CADM2: variants seen among roughly 807,000 people sequenced by gnomAD.
The protein encoded by CADM2 is immunoglobulin superfamily member 4D.
In CADM2, 12 loss-of-function variants were observed where a neutral mutation model predicts 49.8. The ratio of observed to expected loss-of-function variants is 0.24; its 90% CI spans 0.15 to 0.39. The LOEUF (loss-of-function observed/expected upper bound fraction) is 0.39. Among genes scored for constraint, CADM2 ranks in the 10% least tolerant of loss-of-function variants. The pLI is 1.00. For missense variants in CADM2, 378 were observed against 492.3 expected, an observed-to-expected ratio of 0.77 and a Z score of 2.20; for synonymous variants, 214 against 175.4, an observed-to-expected ratio of 1.22 and a Z score of -1.74.
chr3:85,878,392 T>C (rs942440641), intron 3 of CADM2, among the ~76,000 whole-genome samples: 1 of 152,114 alleles, frequency 6.6e-6, no homozygotes, highest in Non-Finnish European at 1.5e-5. Flanking sequence ...TTTCAGAGCC[T>C]AGTTTTTAAT....
chr3:84,983,714 T>C (rs1170110515), intron 1 of CADM2, among the ~76,000 whole-genome samples: 1 of 152,162 alleles, frequency 6.6e-6, no homozygotes, highest in East Asian at 1.9e-4. Context: ...TTAATCCATA[T>C]TATTTTCCCT....
chr3:85,752,072 G>C (rs900459504), intron 2 of CADM2, among the ~76,000 whole-genome samples: 13 of 142,992 alleles, frequency 9.1e-5, no homozygotes, highest in Admixed American at 6.2e-4. Context: ...TAGTGTATAG[G>C]AAAAGAAACA....
At chr3:85,129,652 G>C (rs1464758488) in intron 1 of CADM2, among the ~76,000 whole-genome samples, 1 of 152,116 alleles carries the variant, frequency 6.6e-6, no homozygotes, top group Non-Finnish European at 1.5e-5. Flanking sequence ...AAAAATGAAT[G>C]CTGGTGCTAG....
At chr3:85,216,741 G>A (rs953603725) in intron 1 of CADM2, among the ~76,000 whole-genome samples, 10 of 151,932 alleles carry the variant, frequency 6.6e-5, no homozygotes, top group African/African-American at 2.2e-4. Flanking sequence ...TTGCTATAAA[G>A]GTCATATTTA....
intron 1 of CADM2, among the ~76,000 whole-genome samples, chr3:85,133,925 G>T (rs1409979149): frequency 6.6e-6 from 1 of 152,206 alleles, no homozygotes; most frequent in Non-Finnish European, 1.5e-5. Flanking sequence ...GCGCTCGTCG[G>T]GGAGGCTCAG....
chr3:85,300,040 A>T (rs922997620), intron 1 of CADM2, among the ~76,000 whole-genome samples: 1 of 152,118 alleles, frequency 6.6e-6, no homozygotes, highest in Non-Finnish European at 1.5e-5. Context: ...ACTATCTTTT[A>T]CATGTTTTTC....
intron 1 of CADM2, among the ~76,000 whole-genome samples, chr3:85,300,837 G>A (rs576799011): frequency 1.3e-5 from 2 of 152,094 alleles, no homozygotes; most frequent in South Asian, 4.1e-4. Flanking sequence ...CGTGCTTCTT[G>A]CTTTTTTTCA....
chr3:85,606,030 G>T (rs1255624522), intron 1 of CADM2, among the ~76,000 whole-genome samples: 1 of 152,046 alleles, frequency 6.6e-6, no homozygotes, highest in African/African-American at 2.4e-5. Flanking sequence ...GGCACAATTG[G>T]ATATTTGACT....
chr3:85,601,130 G>GTGTGTATATA (rs1328015269), intron 1 of CADM2, among the ~76,000 whole-genome samples: 5 of 109,630 alleles, frequency 4.6e-5, no homozygotes, highest in African/African-American at 2.0e-4. Context: ...ATATATGTGT[G>GTGTGTATATA]TATATATATA....
intron 5 of CADM2, among the ~76,000 whole-genome samples, chr3:85,910,938 T>C (rs929586272): frequency 6.6e-6 from 1 of 152,096 alleles, no homozygotes; most frequent in African/African-American, 2.4e-5. Context: ...TAATCAAATG[T>C]TACATCAAAT....
At chr3:85,238,742 A>G (rs980669290) in intron 1 of CADM2, among the ~76,000 whole-genome samples, 1 of 151,928 alleles carries the variant, frequency 6.6e-6, no homozygotes, top group Non-Finnish European at 1.5e-5. Context: ...ATAGGAAATA[A>G]TGACCTTCCT....
intron 1 of CADM2, among the ~76,000 whole-genome samples, chr3:85,677,863 G>C (rs758928401): frequency 1.1e-4 from 17 of 152,126 alleles, no homozygotes; most frequent in Non-Finnish European, 2.5e-4. Context: ...TGATTATTAT[G>C]ATGGGGATAC....
At chr3:85,692,227 T>C (rs528575758) in intron 1 of CADM2, among the ~76,000 whole-genome samples, 4 of 152,322 alleles carry the variant, frequency 2.6e-5, no homozygotes, top group Admixed American at 2.6e-4. Flanking sequence ...GCTTTGGGAA[T>C]AGAAAAGTTG....
At chr3:85,112,784 G>A (rs945286839) in intron 1 of CADM2, among the ~76,000 whole-genome samples, 1 of 151,592 alleles carries the variant, frequency 6.6e-6, no homozygotes, top group Non-Finnish European at 1.5e-5. Flanking sequence ...CTTTCATAAA[G>A]ACATATGTCC....
At chr3:85,280,492 A>G (rs1329381725) in intron 1 of CADM2, among the ~76,000 whole-genome samples, 7 of 151,644 alleles carry the variant, frequency 4.6e-5, no homozygotes, top group Non-Finnish European at 1.0e-4. Context: ...CTTTATCTAA[A>G]TTTTGACAAT....
chr3:85,989,462 C>A lies in CADM2; in HGVS notation c.970+27815C>A, dbSNP rs149187588. Among the ~76,000 whole-genome samples, 6 of 152,218 alleles carry A rather than the reference C, an allele frequency of 3.9e-5. No homozygotes were observed. The East Asian group carries it at 7.7e-4, about 20-fold the overall frequency. ...GGACCAAAATTCAGACCACTTTTTT[C>A]TCTTGCCTTTCAATAGGATATTCTG... On this transcript the variant is annotated intron_variant, in intron 8 of 9. Transcript: ENST00000383699.
intron 2 of CADM2, among the ~76,000 whole-genome samples, chr3:85,793,229 G>T (rs1316491506): frequency 1.3e-5 from 2 of 152,144 alleles, no homozygotes; most frequent in African/African-American, 2.4e-5. Context: ...TCATTAAAAT[G>T]TATTTCATGG....
At chr3:85,243,304 A>C (rs1335683561) in intron 1 of CADM2, among the ~76,000 whole-genome samples, 1 of 151,912 alleles carries the variant, frequency 6.6e-6, no homozygotes, top group Non-Finnish European at 1.5e-5. Flanking sequence ...TTCAATGAAA[A>C]ACAGTAGGTA....
intron 7 of CADM2, among the ~76,000 whole-genome samples, chr3:85,947,114 C>A (rs1461250935): frequency 1.3e-5 from 2 of 151,936 alleles, no homozygotes; most frequent in African/African-American, 4.8e-5. Context: ...AAACAAACAA[C>A]CCCATCAACA....
Sources: gnomAD v4.1 joint callset for allele counts (sites outside exome capture counted in the v4.1 genomes callset) on GRCh38, gnomAD v4.1.1 for gene constraint, MANE v1.5 for transcripts, NCBI Gene and HGNC (gene_info 2026-07-23, HGNC 2026-07-21) for gene names.